MSI2: variants seen among roughly 807,000 people sequenced by gnomAD.
MSI2 encodes RNA-binding protein Musashi homolog 2.
In MSI2, 17 loss-of-function variants were observed where a neutral mutation model predicts 45.6. The ratio of observed to expected loss-of-function variants is 0.37; its 90% CI spans 0.26 to 0.56. The LOEUF is 0.56. Ranked by LOEUF, MSI2 falls within the 20% of genes least tolerant of loss-of-function variation. The probability of loss-of-function intolerance (pLI) is 0.77; values close to 1 mark genes in which losing one functional copy is unlikely to be tolerated. For synonymous variants in MSI2, 156 were observed against 158.2 expected (o/e 0.99, Z 0.11); for missense variants, 293 against 444.2 (o/e 0.66, Z 3.06).
Position 57,307,663 on chromosome 17 carries a change from G to T in MSI2, c.312+45471G>T, listed in dbSNP as rs140003066. ...TGGTCTCGAACTCCTGACCTCAGGT[G>T]ATCTACTTGCCTTGGCCTCCCATCC... On this transcript the variant is annotated intron_variant, in intron 5 of 13. Transcript: ENST00000284073. Among the ~76,000 whole-genome samples the T allele has an allele frequency of 1.3e-3, 193 of 152,210 alleles. 1 individual carries two copies. Among genetic ancestry groups the T allele is most frequent in the African/African-American group, 4.1e-3 (171 of 41,510 alleles).
At chr17:57,588,655 A>G (rs12943631) in intron 7 of MSI2, among the ~76,000 whole-genome samples, 4,737 of 152,306 alleles carry the variant, frequency 0.031, 161 homozygotes, top group East Asian at 0.17. Flanking sequence ...GGGGAAGCCA[A>G]CATAGAGCTG....
intron 6 of MSI2, among the ~76,000 whole-genome samples, chr17:57,499,634 C>G (rs952927220): frequency 6.6e-6 from 1 of 152,092 alleles, no homozygotes. Context: ...CAACAGCAAT[C>G]GTTATATTAT....
intron 7 of MSI2, among the ~76,000 whole-genome samples, chr17:57,577,770 G>A (rs960586852): frequency 6.6e-6 from 1 of 152,196 alleles, no homozygotes; most frequent in Non-Finnish European, 1.5e-5. Flanking sequence ...ATTACTTGGA[G>A]TAAGATGCCT....
intron 5 of MSI2, among the ~76,000 whole-genome samples, chr17:57,274,945 G>T (rs1217610820): frequency 6.6e-6 from 1 of 152,154 alleles, no homozygotes; most frequent in East Asian, 1.9e-4. Context: ...TAAGGCACCA[G>T]GTGTATGATG....
intron 6 of MSI2, among the ~76,000 whole-genome samples, chr17:57,421,574 T>C (rs536666051): frequency 6.6e-6 from 1 of 152,236 alleles, no homozygotes; most frequent in East Asian, 1.9e-4. Context: ...TCAGGCACAG[T>C]ATACTTTTAC....
intron 5 of MSI2, among the ~76,000 whole-genome samples, chr17:57,321,683 T>G (rs974087861): frequency 6.6e-5 from 10 of 152,152 alleles, no homozygotes; most frequent in African/African-American, 2.4e-4. Context: ...AAAGGGAGAT[T>G]TGGTCAAATT....
chr17:57,421,578 C>G (rs1320102773), intron 6 of MSI2, among the ~76,000 whole-genome samples: 2 of 152,134 alleles, frequency 1.3e-5, no homozygotes, highest in Non-Finnish European at 2.9e-5. Flanking sequence ...GCACAGTATA[C>G]TTTTACTGAG....
chr17:57,412,691 G>A (rs1039163013), intron 6 of MSI2, among the ~76,000 whole-genome samples: 6 of 152,216 alleles, frequency 3.9e-5, no homozygotes, highest in African/African-American at 1.4e-4. Context: ...GAAAATGAAT[G>A]GTTGTGGCTA....
Position 57,675,076 on chromosome 17 carries a change from A to T in MSI2, c.895A>T (p.Ile299Leu), listed in dbSNP as rs1167224638. ...ASQDSGVGNY[I>L]SAASPQPGSG... The stretch of plus-strand genomic sequence containing the variant: ...CCAGGACTCCGGAGTGGGGAATTAC[A>T]TAAGTGCGGCCAGCCCACAGCCGGG... The change falls in exon 12 of 14, where the codon ATA becomes TTA. Residue 299 changes from isoleucine (I) to leucine (L), a missense_variant. Transcript: ENST00000284073. The T allele has an allele frequency of 1.9e-6, 3 of 1,614,036 alleles. No homozygotes were observed. Among genetic ancestry groups the T allele is most frequent in the Non-Finnish European group, 2.5e-6 (3 of 1,180,000 alleles).
chr17:57,692,557 G>A, the MSI2 span, among the ~76,000 whole-genome samples: 1 of 152,016 alleles, frequency 6.6e-6, no homozygotes, highest in African/African-American at 2.4e-5. Flanking sequence ...TTTTCTTTGG[G>A]TATCTTATTT....
chr17:57,463,788 A>G (rs1346495100), intron 6 of MSI2, among the ~76,000 whole-genome samples: 1 of 149,514 alleles, frequency 6.7e-6, no homozygotes, highest in Non-Finnish European at 1.5e-5. Flanking sequence ...TAAATAGTTG[A>G]GACCTACCCT....
chr17:57,503,773 G>A (rs2143887531), intron 6 of MSI2, among the ~76,000 whole-genome samples: 1 of 152,318 alleles, frequency 6.6e-6, no homozygotes, highest in Non-Finnish European at 1.5e-5. Flanking sequence ...TTGAGACAGA[G>A]TCTTGCTGTT....
At chr17:57,508,684 T>A (rs2086288229) in intron 6 of MSI2, among the ~76,000 whole-genome samples, 2 of 152,268 alleles carry the variant, frequency 1.3e-5, no homozygotes, top group East Asian at 3.9e-4. Context: ...ATGTGTGGGA[T>A]TGGCAAGACA....
chr17:57,266,752 A>T (rs947398351), intron 5 of MSI2: 7 of 150,610 alleles, frequency 4.6e-5, no homozygotes, highest in African/African-American at 1.7e-4. Context: ...GAGGGCAGGG[A>T]ACTGTTGGTG....
the MSI2 span, among the ~76,000 whole-genome samples, chr17:57,700,928 T>A: frequency 6.6e-6 from 1 of 151,746 alleles, no homozygotes; most frequent in Non-Finnish European, 1.5e-5. Context: ...TTTAATAATG[T>A]CAGCCTGCTC....
chr17:57,429,873 G>A (rs768846894), intron 6 of MSI2, among the ~76,000 whole-genome samples: 7 of 152,186 alleles, frequency 4.6e-5, no homozygotes, highest in Non-Finnish European at 8.8e-5. Context: ...GGTGATGAAC[G>A]TGGACACTGG....
At chr17:57,276,386 G>A (rs563595001) in intron 5 of MSI2, among the ~76,000 whole-genome samples, 1 of 152,358 alleles carries the variant, frequency 6.6e-6, no homozygotes, top group Admixed American at 6.5e-5. Flanking sequence ...TTCTGAGCAT[G>A]ACTCTGATTT....
intron 5 of MSI2, chr17:57,265,264 G>T (rs1427321818): frequency 6.6e-6 from 1 of 152,182 alleles, no homozygotes; most frequent in African/African-American, 2.4e-5. Context: ...AGGTCACAGT[G>T]GCAGAGGGAA....
At chr17:57,435,728 A>T (rs2084679892) in intron 6 of MSI2, among the ~76,000 whole-genome samples, 1 of 152,192 alleles carries the variant, frequency 6.6e-6, no homozygotes, top group African/African-American at 2.4e-5. Context: ...TGTCTCACGT[A>T]AGTCTCCTTT....
Sources: gnomAD v4.1 joint callset for allele counts (sites outside exome capture counted in the v4.1 genomes callset) on GRCh38, gnomAD v4.1.1 for gene constraint, MANE v1.5 for transcripts, NCBI Gene and HGNC (gene_info 2026-07-23, HGNC 2026-07-21) for gene names.